Variants in KHDRBS2 observed in about 807,000 individuals in gnomAD.
KHDRBS2 encodes KH RNA binding domain containing, signal transduction associated 2.
In KHDRBS2, 26 loss-of-function variants were observed where a neutral mutation model predicts 44.3. The observed-to-expected ratio is 0.59, with a 90% CI of 0.43 to 0.81. KHDRBS2 has a LOEUF of 0.81. Among genes scored for constraint, KHDRBS2 ranks in the 40% least tolerant of loss-of-function variants. The pLI is 0.00. For synonymous variants in KHDRBS2, 194 were observed against 151.1 expected, an observed-to-expected ratio of 1.28 and a Z score of -2.08; for missense variants, 476 against 433.1, an observed-to-expected ratio of 1.10 and a Z score of -0.88.
intron 8 of KHDRBS2, 104 bp from the exon 9 acceptor site, chr6:61,681,164 C>A: frequency 1.3e-6 from 1 of 744,914 alleles, no homozygotes; most frequent in South Asian, 1.6e-5. Context: ...CAAAAGATCT[C>A]AACACCGAAC....
intron 6 of KHDRBS2, among the ~76,000 whole-genome samples, chr6:61,805,675 G>T (rs1345161222): frequency 6.6e-6 from 1 of 152,148 alleles, no homozygotes; most frequent in Non-Finnish European, 1.5e-5. Context: ...CTTCACAGGG[G>T]AGCAGGAGAG....
chr6:61,577,388 A>G, the KHDRBS2 span, among the ~76,000 whole-genome samples: 4 of 152,254 alleles, frequency 2.6e-5, no homozygotes, highest in African/African-American at 9.6e-5. Flanking sequence ...TCATAGCAGC[A>G]ATTTTGTGAA....
At chr6:61,690,937 T>C (rs538664688) in intron 8 of KHDRBS2, among the ~76,000 whole-genome samples, 2 of 152,206 alleles carry the variant, frequency 1.3e-5, no homozygotes, top group African/African-American at 4.8e-5. Flanking sequence ...CCTTTGAATG[T>C]GCCCCCATGC....
chr6:62,167,074 GT>G (rs1292897672), intron 2 of KHDRBS2, among the ~76,000 whole-genome samples: 2 of 152,034 alleles, frequency 1.3e-5, no homozygotes, highest in Non-Finnish European at 2.9e-5. Context: ...GCAGTCTTCA[GT>G]TTTCCAGTTG....
At chr6:62,084,956 AC>A (rs1477083238) in intron 2 of KHDRBS2, among the ~76,000 whole-genome samples, 1 of 152,188 alleles carries the variant, frequency 6.6e-6, no homozygotes, top group African/African-American at 2.4e-5. Flanking sequence ...ATTAGTGTCC[AC>A]AAAAATAATT....
chr6:61,723,209 A>T (rs1482319089), intron 7 of KHDRBS2, among the ~76,000 whole-genome samples: 1 of 152,102 alleles, frequency 6.6e-6, no homozygotes, highest in East Asian at 1.9e-4. Context: ...CAACAAAAAG[A>T]ACCCACAAAA....
chr6:61,846,195 C>T (rs1794380653), intron 6 of KHDRBS2, among the ~76,000 whole-genome samples: 1 of 152,132 alleles, frequency 6.6e-6, no homozygotes, highest in Non-Finnish European at 1.5e-5. Flanking sequence ...TATACATTTC[C>T]CAGTCTCAGG....
Position 62,066,581 on chromosome 6 carries a change from A to G in KHDRBS2, c.220-18587T>C, listed in dbSNP as rs59640673. Among the ~76,000 whole-genome samples the G allele has an allele frequency of 3.8e-3, 580 of 151,832 alleles. 1 individual carries two copies. Among genetic ancestry groups the G allele is most frequent in the African/African-American group, 0.014 (562 of 41,506 alleles). ...TCTTGTATGTTGTGCTTACATGTGCAAATTAGAGATGTTTGTTCTTTAAAG... is the reference window on the plus strand; with the variant it reads ...TCTTGTATGTTGTGCTTACATGTGCGAATTAGAGATGTTTGTTCTTTAAAG... On this transcript the variant is annotated intron_variant, in intron 2 of 8. Coordinates refer to ENST00000281156, the MANE Select transcript of KHDRBS2 (RefSeq NM_152688.4).
intron 2 of KHDRBS2, among the ~76,000 whole-genome samples, chr6:62,122,702 T>C (rs901157329): frequency 6.6e-6 from 1 of 150,458 alleles, no homozygotes; most frequent in African/African-American, 2.5e-5. Flanking sequence ...CTGCACAATA[T>C]GAAGACACCA....
At chr6:61,872,935 T>G (rs1479721346) in intron 6 of KHDRBS2, among the ~76,000 whole-genome samples, 4 of 152,116 alleles carry the variant, frequency 2.6e-5, no homozygotes, top group African/African-American at 9.7e-5. Context: ...GGTGAAAGAA[T>G]AGACTAAATA....
intron 2 of KHDRBS2, among the ~76,000 whole-genome samples, chr6:62,114,478 A>G (rs927083446): frequency 3.3e-5 from 5 of 152,108 alleles, no homozygotes; most frequent in Non-Finnish European, 2.9e-5. Flanking sequence ...AACGGAACAG[A>G]ATGATATCAA....
chr6:61,581,750 A>T, the KHDRBS2 span, among the ~76,000 whole-genome samples: 1 of 151,246 alleles, frequency 6.6e-6, no homozygotes, highest in South Asian at 2.1e-4. Flanking sequence ...CCAAGGAAAC[A>T]GAAATGGATA....
intron 2 of KHDRBS2, among the ~76,000 whole-genome samples, chr6:62,162,935 T>A (rs1383400088): frequency 6.6e-6 from 1 of 151,970 alleles, no homozygotes; most frequent in Admixed American, 6.6e-5. Context: ...GTAAGAAGAA[T>A]ACTGGTTGAA....
chr6:62,109,045 T>C (rs557799707), intron 2 of KHDRBS2, among the ~76,000 whole-genome samples: 19 of 151,340 alleles, frequency 1.3e-4, no homozygotes, highest in African/African-American at 4.4e-4. Context: ...CATGTATACA[T>C]ATGTAACTAA....
intron 3 of KHDRBS2, among the ~76,000 whole-genome samples, chr6:62,013,850 C>T (rs1308782335): frequency 2.0e-5 from 3 of 152,158 alleles, no homozygotes; most frequent in Admixed American, 6.6e-5. Flanking sequence ...CAGTAAAGAT[C>T]ACTGATGTGG....
chr6:62,051,416 A>C (rs1411449050), intron 2 of KHDRBS2, among the ~76,000 whole-genome samples: 1 of 152,018 alleles, frequency 6.6e-6, no homozygotes, highest in Non-Finnish European at 1.5e-5. Context: ...ATTCTTTTGC[A>C]TATAGAAATC....
intron 7 of KHDRBS2, among the ~76,000 whole-genome samples, chr6:61,713,406 C>G (rs1344867088): frequency 6.6e-6 from 1 of 151,466 alleles, no homozygotes; most frequent in Non-Finnish European, 1.5e-5. Context: ...TTTGATTTTT[C>G]TTTTCTGAGG....
chr6:62,134,991 TG>T (rs1268418327), intron 2 of KHDRBS2, among the ~76,000 whole-genome samples: 1 of 152,174 alleles, frequency 6.6e-6, no homozygotes, highest in Non-Finnish European at 1.5e-5. Context: ...GAGTTAATAC[TG>T]AAATGAGTTG....
chr6:61,631,305 C>CAAAAAAAAAAAAAAAAAA, the KHDRBS2 span, among the ~76,000 whole-genome samples: 2 of 66,974 alleles, frequency 3.0e-5, no homozygotes, highest in African/African-American at 5.6e-5. Context: ...ACGAATAAGC[C>CAAAAAAAAAAAAAAAAAA]AAAAAAAAAA....
Sources: allele counts gnomAD v4.1 joint callset (sites outside exome capture counted in the v4.1 genomes callset), GRCh38; gene constraint gnomAD v4.1.1; transcripts MANE v1.5; gene names NCBI Gene and HGNC (gene_info 2026-07-23, HGNC 2026-07-21).